The following SYCP2 variants were observed in gnomAD, a reference collection of about 807,000 sequenced individuals.
SYCP2 encodes synaptonemal complex lateral element protein.
SYCP2 carries 55 observed loss-of-function variants against 211.3 expected under a neutral mutation model. That is an observed-to-expected ratio of 0.26 (90% CI 0.21 to 0.33). The LOEUF (loss-of-function observed/expected upper bound fraction) is 0.33. SYCP2 is among the 10% of genes least tolerant of loss of function. The probability of loss-of-function intolerance (pLI) is 1.00; values close to 1 mark genes in which losing one functional copy is unlikely to be tolerated. For synonymous variants in SYCP2, 570 were observed against 555.2 expected (o/e 1.03, Z -0.37); for missense variants, 1,731 against 1,752.0 (o/e 0.99, Z 0.21).
chr20:59,864,694 T>A (rs1236583423), intron 44 of SYCP2, among the ~76,000 whole-genome samples: 4 of 152,004 alleles, frequency 2.6e-5, no homozygotes, highest in African/African-American at 9.7e-5. Flanking sequence ...TCAACAAGGA[T>A]CAACCTAGTT....
At position 59,914,179 on chromosome 20, in the gene SYCP2, G is replaced by A; in HGVS notation, c.707C>T (p.Ala236Val). ...AAAATCCATTGAAAACCACTGATGTGCCAGTTCTTGTCTTTGTTTTTCTGT... is the reference window on the plus strand; with the variant it reads ...AAAATCCATTGAAAACCACTGATGTACCAGTTCTTGTCTTTGTTTTTCTGT... ...MTTEKQRQEL[A>V]HQWFSMDFIA... Residue 236 changes from alanine (A) to valine (V), a missense_variant, in exon 11 of 45, where the codon GCA becomes GTA. Transcript: ENST00000357552. 6.2e-7 allele frequency: 1 copy of A among 1,603,208 alleles called. No homozygotes were observed. The highest frequency in any genetic ancestry group is 8.5e-7 in the Non-Finnish European group (1 of 1,172,306).
chr20:59,863,784 T>C lies in SYCP2; in HGVS notation c.*527A>G, dbSNP rs2059278480. 1.3e-5 allele frequency: 2 copies of C among 151,966 alleles called. No homozygotes were observed. The highest frequency in any genetic ancestry group is 4.8e-5 in the African/African-American group (2 of 41,426). The allele number at this position is 151,966 out of a possible 1,614,324, so 9.4% of individuals were successfully genotyped here. A position where few individuals can be genotyped will look rare whatever the true frequency, so the allele number is the denominator to read the frequency against. On this transcript the variant is annotated 3_prime_UTR_variant, in exon 45 of 45. Coordinates refer to ENST00000357552, the MANE Select transcript of SYCP2 (RefSeq NM_014258.4). ...CTTTTTTAGGCCATTTAGTGCTTCC[T>C]AATACATTAGAGCCATATCTGAATA...
chr20:59,874,387 G>A (rs2059513734), intron 34 of SYCP2, among the ~76,000 whole-genome samples: 1 of 151,990 alleles, frequency 6.6e-6, no homozygotes, highest in Non-Finnish European at 1.5e-5. Context: ...AGCTGATTGT[G>A]TTATATATAC....
chr20:59,925,413 A>C (rs574893258), intron 2 of SYCP2, among the ~76,000 whole-genome samples: 22 of 152,224 alleles, frequency 1.4e-4, no homozygotes, highest in Non-Finnish European at 2.8e-4. Flanking sequence ...AACAAAAGAA[A>C]GAACTCTGTT....
At chr20:59,881,293 T>C (rs2059674646) in intron 29 of SYCP2, 144 bp downstream of exon 29, 3 of 604,690 alleles carry the variant, frequency 5.0e-6, no homozygotes. Context: ...AGAGTAAATG[T>C]TGAAGTAACA....
rs755198324 is a variant in SYCP2 at position 59,873,998 on chromosome 20, G to A, written c.3413C>T (p.Ser1138Leu). ...AAGTGATGAAGTTTTTGGATAAGGT[G>A]ATATAGATTTTGTTATGCAGTCATA... ...QDYDCITKSI[S>L]PYPKTSSLES... Residue 1138 changes from serine to leucine, a missense_variant, in exon 35 of 45, where the codon TCA becomes TTA. By Grantham distance (145) the Ser-to-Leu change is moderately radical (BLOSUM62 -2). Transcript: ENST00000357552. 1.9e-6 allele frequency: 3 copies of A among 1,612,652 alleles called. No homozygotes were observed. In the South Asian group the frequency reaches 3.3e-5, roughly 18 times the overall value.
chr20:59,921,599 C>T (rs1387961888), intron 3 of SYCP2, 146 bp from the exon 4 acceptor site: 2 of 451,030 alleles, frequency 4.4e-6, no homozygotes, highest in Non-Finnish European at 7.3e-6. Flanking sequence ...AAAAATATGG[C>T]CACTATTAAA....
chr20:59,895,651 T>C, intron 19 of SYCP2, 54 bp from the exon 20 acceptor site: 1 of 1,581,016 alleles, frequency 6.3e-7, no homozygotes, highest in Non-Finnish European at 8.6e-7. Context: ...ATTGCTATTA[T>C]TGAGGTACTT....
At chr20:59,882,892 CA>C (rs1251446959) in intron 26 of SYCP2, among the ~76,000 whole-genome samples, 7 of 151,966 alleles carry the variant, frequency 4.6e-5, no homozygotes, top group African/African-American at 9.7e-5. Context: ...TTTACCTCAA[CA>C]AAAAAACTTG....
chr20:59,873,793 G>T, intron 35 of SYCP2, 63 bp downstream of exon 35: 1 of 1,381,158 alleles, frequency 7.2e-7, no homozygotes, highest in Middle Eastern at 2.2e-4. Context: ...TAAGATGATA[G>T]GGAAAATAAC....
At chr20:59,868,342 T>TA in intron 38 of SYCP2, 71 bp downstream of exon 38, 1 of 1,499,590 alleles carries the variant, frequency 6.7e-7, no homozygotes, top group Non-Finnish European at 9.0e-7. Context: ...GTTTTGTAAA[T>TA]AGACTCATTC....
At position 59,900,233 on chromosome 20, in the gene SYCP2, A is replaced by G; in HGVS notation, c.1309T>C (p.Leu437=). The G allele has an allele frequency of 6.2e-7, 1 of 1,612,924 alleles. No homozygotes were observed. Among genetic ancestry groups the G allele is most frequent in the Non-Finnish European group, 8.5e-7 (1 of 1,179,622 alleles). ...ISPVGEELVS[L]KEKSKSPKEF... The stretch of plus-strand genomic sequence containing the variant: ...TTTGGGGACTTTGATTTTTCCTTTA[A>G]ACTAACGAGCTCTTCTCCGACTGGT... The change falls in exon 18 of 45, where the codon TTA becomes CTA. Residue 437 remains leucine, a synonymous_variant. Coordinates refer to ENST00000357552, the MANE Select transcript of SYCP2 (RefSeq NM_014258.4).
Position 59,922,445 on chromosome 20 carries a change from A to G in SYCP2, c.-32T>C. 1 of 1,479,322 alleles carries G rather than the reference A, an allele frequency of 6.8e-7. No individual in the cohort carries two copies. Among genetic ancestry groups the G allele is most frequent in the Non-Finnish European group, 9.2e-7 (1 of 1,087,050 alleles). The allele number at this position is 1,479,322 out of a possible 1,614,324, so 91.6% of individuals were successfully genotyped here. A position where few individuals can be genotyped will look rare whatever the true frequency, so the allele number is the denominator to read the frequency against. On this transcript the variant is annotated 5_prime_UTR_variant, in exon 3 of 45. Transcript: ENST00000357552. ...TTCATTTAAAAAAAAAAAAAAAGCA[A>G]GACAAAATAAACACCTATAAAAGAA...
intron 19 of SYCP2, 111 bp downstream of exon 19, chr20:59,896,318 T>G (rs2060006451): frequency 5.0e-6 from 3 of 603,474 alleles, no homozygotes; most frequent in Non-Finnish European, 8.6e-6. Context: ...TTTTATCAAT[T>G]TTTATACACC....
chr20:59,899,370 G>A (rs74916350), intron 18 of SYCP2, among the ~76,000 whole-genome samples: 3,042 of 152,298 alleles, frequency 0.02, 42 homozygotes, highest in Middle Eastern at 0.041. Flanking sequence ...AAAGGTCTTG[G>A]AGAGACATAC....
intron 32 of SYCP2, 107 bp downstream of exon 32, chr20:59,877,894 TACATAAA>T: frequency 1.3e-6 from 1 of 788,750 alleles, no homozygotes; most frequent in South Asian, 1.8e-5. Flanking sequence ...AAGGAAGAGG[TACATAAA>T]ACACATAACT....
At chr20:59,895,842 A>G (rs141075135) in intron 19 of SYCP2, among the ~76,000 whole-genome samples, 82 of 152,196 alleles carry the variant, frequency 5.4e-4, no homozygotes, top group African/African-American at 1.9e-3. Context: ...TCAGATACTA[A>G]GCAATTGGCC....
In SYCP2 at chr20:59,869,716, T is replaced by G. The variant is rs2059414077; in HGVS notation, c.3741+82A>C. The G allele has an allele frequency of 1.7e-5, 12 of 709,312 alleles. No homozygotes were observed. The East Asian group carries it at 3.1e-4, about 18-fold the overall frequency. 43.9% of individuals were successfully genotyped at this position (709,312 alleles called of 1,614,324 possible). On this transcript the variant is annotated intron_variant, in intron 36 of 44. Coordinates refer to ENST00000357552, the MANE Select transcript of SYCP2 (RefSeq NM_014258.4). ...TTGAAAAGCATTAAAATATTATAATTACCACTAAAGGTCAGTAATCTGAGT... is the reference window on the plus strand; with the variant it reads ...TTGAAAAGCATTAAAATATTATAATGACCACTAAAGGTCAGTAATCTGAGT...
In SYCP2 at chr20:59,900,257, G is replaced by A. The variant is rs371478053; in HGVS notation, c.1285C>T (p.Pro429Ser). The A allele has an allele frequency of 6.2e-7, 1 of 1,608,250 alleles. No individual in the cohort carries two copies. Among genetic ancestry groups the A allele is most frequent in the African/African-American group, 1.3e-5 (1 of 74,530 alleles). The change falls in exon 18 of 45, where the codon CCA (proline) becomes TCA (serine). Residue 429 changes from proline (P) to serine (S), a missense_variant. Coordinates refer to ENST00000357552, the MANE Select transcript of SYCP2 (RefSeq NM_014258.4). ...AAACTAACGAGCTCTTCTCCGACTG[G>A]TGAGATTTGACTTTCTGGCACTAGA... ...QILVPESQIS[P>S]VGEELVSLKE...
Sources: allele counts gnomAD v4.1 joint callset (sites outside exome capture counted in the v4.1 genomes callset), GRCh38; gene constraint gnomAD v4.1.1; transcripts MANE v1.5; gene names NCBI Gene and HGNC (gene_info 2026-07-23, HGNC 2026-07-21).